The following HOPX variants were observed in gnomAD, a reference collection of about 807,000 sequenced individuals.
HOPX encodes homeodomain-only protein.
HOPX carries 5 observed loss-of-function variants against 11.8 expected under a neutral mutation model. That is an observed-to-expected ratio of 0.43 (90% CI 0.22 to 0.89). The LOEUF (loss-of-function observed/expected upper bound fraction) is 0.89, where lower values mean the gene tolerates loss of function less well. HOPX is among the 40% of genes least tolerant of loss of function. The pLI is 0.28. For missense variants in HOPX, 119 were observed against 120.0 expected (o/e 0.99, Z 0.04); for synonymous variants, 49 against 49.7 (o/e 0.99, Z 0.06).
intron 1 of HOPX, among the ~76,000 whole-genome samples, chr4:56,662,061 A>T (rs992902766): frequency 2.0e-5 from 3 of 152,222 alleles, no homozygotes; most frequent in African/African-American, 7.2e-5. Context: ...AACCACAGAG[A>T]TAGATTGAAA....
intron 2 of HOPX, 124 bp from the exon 3 acceptor site, chr4:56,656,136 C>A: frequency 8.3e-7 from 1 of 1,211,572 alleles, no homozygotes; most frequent in Non-Finnish European, 1.0e-6. Flanking sequence ...AGCGGTGCCA[C>A]GGCCGCGCAA....
intron 2 of HOPX, chr4:56,656,378 G>C (rs1160372688): frequency 2.0e-6 from 2 of 1,012,056 alleles, no homozygotes; most frequent in Non-Finnish European, 2.4e-6. Context: ...GGAAGCGCGG[G>C]GGTGATTTTG....
chr4:56,651,981 C>G (rs73161285), intron 3 of HOPX, among the ~76,000 whole-genome samples: 3 of 151,542 alleles, frequency 2.0e-5, no homozygotes, highest in Non-Finnish European at 4.4e-5. Flanking sequence ...GATTTCCCAG[C>G]CTCTTCTAAA....
At chr4:56,675,201 C>T (rs1718946800) in intron 1 of HOPX, among the ~76,000 whole-genome samples, 2 of 151,514 alleles carry the variant, frequency 1.3e-5, no homozygotes, top group African/African-American at 4.9e-5. Flanking sequence ...CAATGCTTCC[C>T]ACAGGAACCC....
Position 56,656,755 on chromosome 4 carries a change from G to A in HOPX, c.43-743C>T, listed in dbSNP as rs143358643. On this transcript the variant is annotated intron_variant, in intron 2 of 3. Transcript: ENST00000420433. ...CCTGTGGGCTTGCATGTGCCACTCTGCCGCTCTGCAACCTCCTCCTTCAAC... is the reference window on the plus strand; with the variant it reads ...CCTGTGGGCTTGCATGTGCCACTCTACCGCTCTGCAACCTCCTCCTTCAAC... Among the ~76,000 whole-genome samples, 645 of 152,272 alleles carry A rather than the reference G, an allele frequency of 4.2e-3. 6 individuals are homozygous for A. The highest frequency in any genetic ancestry group is 0.021 in the South Asian group (102 of 4,824).
At chr4:56,666,431 A>G (rs1228612983) in intron 1 of HOPX, among the ~76,000 whole-genome samples, 1 of 152,238 alleles carries the variant, frequency 6.6e-6, no homozygotes, top group Admixed American at 6.5e-5. Context: ...GTAGCCGCTT[A>G]CTGAAAACAG....
intron 3 of HOPX, chr4:56,649,901 T>C (rs1716995280): frequency 6.6e-6 from 1 of 152,202 alleles, no homozygotes; most frequent in Non-Finnish European, 1.5e-5. Flanking sequence ...GAAGAGAGAC[T>C]AGTGAGGAAA....
rs146654201 is a variant in HOPX, at chr4:56,676,220, C to T, written c.-84+5035G>A. Among the ~76,000 whole-genome samples the T allele has an allele frequency of 7.9e-5, 12 of 151,620 alleles. 1 individual carries two copies. Among genetic ancestry groups the T allele is most frequent in the African/African-American group, 2.9e-4 (12 of 40,948 alleles). On this transcript the variant is annotated intron_variant, in intron 1 of 3. Transcript: ENST00000420433. ...GGCTGAGGTGGGAGGATTGCTTGAGCCTGGGAGGTGGAGGGTGCAGTGAGC... is the reference window on the plus strand; with the variant it reads ...GGCTGAGGTGGGAGGATTGCTTGAGTCTGGGAGGTGGAGGGTGCAGTGAGC...
chr4:56,654,424 A>G (rs1437359798), intron 3 of HOPX, among the ~76,000 whole-genome samples: 1 of 152,224 alleles, frequency 6.6e-6, no homozygotes, highest in Non-Finnish European at 1.5e-5. Flanking sequence ...TGTTTTTAAA[A>G]GATAAGTTGT....
intron 3 of HOPX, chr4:56,649,579 A>AC (rs1716953569): frequency 6.6e-6 from 1 of 152,228 alleles, no homozygotes; most frequent in African/African-American, 2.4e-5. Flanking sequence ...TGGGCCTACC[A>AC]CTTTACTCAG....
At chr4:56,672,572 A>G (rs1459350782) in intron 1 of HOPX, 1 of 151,916 alleles carries the variant, frequency 6.6e-6, no homozygotes, top group African/African-American at 2.4e-5. Flanking sequence ...AAAGAAAAGA[A>G]GATGACATTG....
intron 3 of HOPX, chr4:56,650,942 A>G: frequency 1.1e-6 from 1 of 880,580 alleles, no homozygotes; most frequent in Non-Finnish European, 1.7e-6. Context: ...GTATGAGAGC[A>G]GCAAGGTTCC....
At chr4:56,656,202 C>T in intron 2 of HOPX, 190 bp from the exon 3 acceptor site, 10 of 1,139,158 alleles carry the variant, frequency 8.8e-6, no homozygotes, top group Non-Finnish European at 1.1e-5. Context: ...ACCCGGGCCT[C>T]CCTCCCTGGA....
At chr4:56,672,345 C>G (rs1207750846) in intron 1 of HOPX, among the ~76,000 whole-genome samples, 1 of 151,534 alleles carries the variant, frequency 6.6e-6, no homozygotes, top group Non-Finnish European at 1.5e-5. Context: ...TCCAGACCAG[C>G]CTAGGCAACA....
intron 1 of HOPX, among the ~76,000 whole-genome samples, chr4:56,678,461 T>C (rs1157586376): frequency 2.0e-5 from 2 of 99,788 alleles, no homozygotes; most frequent in Non-Finnish European, 4.4e-5. Flanking sequence ...TTTTTTTTTT[T>C]TTGAGACGGA....
chr4:56,662,354 G>A (rs1463722112), intron 1 of HOPX: 1 of 152,162 alleles, frequency 6.6e-6, no homozygotes, highest in Non-Finnish European at 1.5e-5. Flanking sequence ...ATTGTCTACA[G>A]CATCAGAGGA....
chr4:56,656,296 C>T lies in HOPX; in HGVS notation c.43-284G>A, dbSNP rs577741416. 24 of 1,129,534 alleles carry T rather than the reference C, an allele frequency of 2.1e-5. No individual in the cohort carries two copies. In the East Asian group the frequency reaches 8.3e-4, roughly 39 times the overall value. 70.0% of individuals were successfully genotyped at this position (1,129,534 alleles called of 1,614,324 possible). On this transcript the variant is annotated intron_variant, in intron 2 of 3. Transcript: ENST00000420433. Reference sequence around the variant, plus strand: ...GGGACCCCTTGCAGGAACTGTATCCCTGCCTGCGACGGGGGCGAGATAGAT... The same window carrying T: ...GGGACCCCTTGCAGGAACTGTATCCTTGCCTGCGACGGGGGCGAGATAGAT...
intron 1 of HOPX, among the ~76,000 whole-genome samples, chr4:56,669,023 G>A (rs140453564): frequency 7.0e-4 from 106 of 152,220 alleles, no homozygotes; most frequent in Non-Finnish European, 1.4e-3. Flanking sequence ...AGTGTAAAAC[G>A]GCATATGCAT....
At chr4:56,679,771 C>T (rs1255318509) in intron 1 of HOPX, 1 of 152,236 alleles carries the variant, frequency 6.6e-6, no homozygotes, top group Non-Finnish European at 1.5e-5. Context: ...GGCCACCGCA[C>T]CCAGCCACTT....
Sources: gnomAD v4.1 joint callset for allele counts (sites outside exome capture counted in the v4.1 genomes callset) on GRCh38, gnomAD v4.1.1 for gene constraint, MANE v1.5 for transcripts, NCBI Gene and HGNC (gene_info 2026-07-23, HGNC 2026-07-21) for gene names.